The following KCNU1 variants were observed in gnomAD, a reference collection of about 807,000 sequenced individuals.
KCNU1 encodes potassium calcium-activated channel subfamily U member 1, also known as potassium channel subfamily U member 1.
Under a neutral mutation model 126.8 loss-of-function variants are expected in KCNU1, and 93 were observed. That is an observed-to-expected ratio of 0.73 (90% CI 0.62 to 0.87). KCNU1 has a LOEUF of 0.87. KCNU1 is among the 40% of genes least tolerant of loss of function. The pLI, the probability that KCNU1 is intolerant of heterozygous loss-of-function variation, is 0.00. For missense variants in KCNU1, 1,330 were observed against 1,367.1 expected (o/e 0.97, Z 0.43); for synonymous variants, 523 against 494.2 (o/e 1.06, Z -0.77).
rs547790727 is a variant in KCNU1, at chr8:36,840,186, G to A, written c.1519-277G>A. Among the ~76,000 whole-genome samples the A allele has an allele frequency of 5.1e-4, 78 of 152,318 alleles. 1 individual carries two copies. The highest frequency in any genetic ancestry group is 6.8e-3 in the Middle Eastern group (2 of 294). ...GCTGAAATCAGGACTGGGTGATGGAGAATTCTCACTGCCAGCAAGGAAACT... is the reference window on the plus strand; with the variant it reads ...GCTGAAATCAGGACTGGGTGATGGAAAATTCTCACTGCCAGCAAGGAAACT... On this transcript the variant is annotated intron_variant, in intron 14 of 26. Transcript: ENST00000399881.
intron 24 of KCNU1, chr8:36,928,796 T>C (rs1435750075): frequency 2.0e-6 from 1 of 507,804 alleles, no homozygotes; most frequent in Non-Finnish European, 3.5e-6. Context: ...AAGGAGCACA[T>C]CATCTTCAGG....
intron 22 of KCNU1, among the ~76,000 whole-genome samples, chr8:36,911,407 G>T (rs957149075): frequency 6.6e-6 from 1 of 151,996 alleles, no homozygotes; most frequent in Admixed American, 6.6e-5. Flanking sequence ...TATCATTTTT[G>T]TTGTTATGAT....
intron 18 of KCNU1, among the ~76,000 whole-genome samples, chr8:36,846,442 T>C (rs575970367): frequency 1.3e-5 from 2 of 152,282 alleles, no homozygotes; most frequent in South Asian, 4.1e-4. Flanking sequence ...AACACCCCTT[T>C]CCACTTAATG....
intron 24 of KCNU1, among the ~76,000 whole-genome samples, chr8:36,927,071 A>G (rs1215769237): frequency 1.3e-5 from 2 of 152,258 alleles, no homozygotes; most frequent in East Asian, 3.9e-4. Flanking sequence ...CGCCCCTAAT[A>G]AACACCAAGA....
intron 19 of KCNU1, among the ~76,000 whole-genome samples, chr8:36,876,164 T>C (rs1394966633): frequency 6.6e-6 from 1 of 152,064 alleles, no homozygotes. Flanking sequence ...CTAATCGATT[T>C]CCATCATGCA....
intron 19 of KCNU1, among the ~76,000 whole-genome samples, chr8:36,904,291 G>A (rs1463685678): frequency 6.6e-6 from 1 of 152,144 alleles, no homozygotes; most frequent in Non-Finnish European, 1.5e-5. Context: ...GTGCCCACTG[G>A]AGCAGCTAGG....
intron 24 of KCNU1, among the ~76,000 whole-genome samples, chr8:36,928,022 G>A (rs1680819835): frequency 1.3e-5 from 2 of 149,476 alleles, no homozygotes; most frequent in South Asian, 4.3e-4. Flanking sequence ...GAGGGAAGGA[G>A]GGAGGGACGG....
chr8:36,866,809 G>A (rs776216155), intron 19 of KCNU1, among the ~76,000 whole-genome samples: 6 of 152,070 alleles, frequency 3.9e-5, no homozygotes, highest in Non-Finnish European at 5.9e-5. Flanking sequence ...TGGCAGCACC[G>A]TAAAGTGACT....
In KCNU1 at chr8:36,805,084, G is replaced by A. The variant is rs183025137; in HGVS notation, c.378-111G>A. The A allele has an allele frequency of 1.4e-5, 9 of 664,362 alleles. No individual in the cohort carries two copies. The East Asian group carries it at 1.4e-4, about 10-fold the overall frequency. 41.2% of individuals were successfully genotyped at this position (664,362 alleles called of 1,614,324 possible). ...CTTGAGATCTTAACTTAAGTGTCTG[G>A]ATTCATGGTGAATAAAGAAAAATTT... On this transcript the variant is annotated intron_variant, in intron 3 of 26. Transcript: ENST00000399881.
chr8:36,918,981 C>T, intron 23 of KCNU1, 84 bp downstream of exon 23: 1 of 888,050 alleles, frequency 1.1e-6, no homozygotes, highest in Non-Finnish European at 1.9e-6. Context: ...TTAGAATGCA[C>T]AATCACAGGA....
chr8:36,833,475 C>A, intron 10 of KCNU1, 79 bp from the exon 11 acceptor site: 2 of 782,664 alleles, frequency 2.6e-6, no homozygotes, highest in South Asian at 1.5e-5. Context: ...CTAAATGCAC[C>A]AAATTAGTTA....
At chr8:36,797,059 G>A (rs891133355) in intron 2 of KCNU1, among the ~76,000 whole-genome samples, 2 of 152,152 alleles carry the variant, frequency 1.3e-5, no homozygotes, top group Non-Finnish European at 2.9e-5. Flanking sequence ...CCTCACCAGA[G>A]AGGCAGAACT....
intron 22 of KCNU1, among the ~76,000 whole-genome samples, chr8:36,912,442 G>A (rs1439447540): frequency 1.3e-5 from 2 of 152,132 alleles, no homozygotes; most frequent in Admixed American, 6.5e-5. Context: ...CTAATAACAA[G>A]GCACTTCATG....
intron 19 of KCNU1, among the ~76,000 whole-genome samples, chr8:36,876,033 G>A (rs563306047): frequency 4.6e-5 from 7 of 152,226 alleles, no homozygotes; most frequent in African/African-American, 1.4e-4. Flanking sequence ...ATAGCCCAGA[G>A]GCAAAAGACA....
chr8:36,864,423 GA>G lies in KCNU1; in HGVS notation c.1917del (p.Lys639AsnfsTer3). On this transcript the variant is annotated frameshift_variant, in exon 19 of 27. Coordinates refer to ENST00000399881, the MANE Select transcript of KCNU1 (RefSeq NM_001031836.3). LOFTEE classifies it high-confidence loss of function. ...HITVPSVKRM[K>X]KCLKGISSRI... is the part of the protein sequence containing the mutation. Reference sequence around the variant, plus strand: ...TTGCAGTGCCATCGGTAAAGAGAATGAAAAAATGTCTGAAGGGAATCTCCTC... The same window carrying G: ...TTGCAGTGCCATCGGTAAAGAGAATGAAAAATGTCTGAAGGGAATCTCCTC... 2.5e-6 allele frequency: 4 copies of G among 1,608,406 alleles called. No individual in the cohort carries two copies. Among genetic ancestry groups the G allele is most frequent in the African/African-American group, 1.3e-5 (1 of 74,878 alleles).
intron 24 of KCNU1, among the ~76,000 whole-genome samples, chr8:36,930,152 A>G (rs944148142): frequency 2.6e-5 from 4 of 152,114 alleles, no homozygotes; most frequent in African/African-American, 9.7e-5. Flanking sequence ...AATTAAAAAT[A>G]TATATTCAAT....
At chr8:36,855,686 A>G (rs1805503830) in intron 18 of KCNU1, among the ~76,000 whole-genome samples, 1 of 152,152 alleles carries the variant, frequency 6.6e-6, no homozygotes, top group Non-Finnish European at 1.5e-5. Flanking sequence ...AAAAAAAATA[A>G]TTCTCACAAG....
chr8:36,922,999 C>T (rs535826578), intron 24 of KCNU1: 7 of 464,972 alleles, frequency 1.5e-5, no homozygotes, highest in Non-Finnish European at 2.6e-5. Context: ...TGGAAATTGG[C>T]CATAAAGGGA....
intron 10 of KCNU1, among the ~76,000 whole-genome samples, chr8:36,818,119 A>G (rs189163011): frequency 6.6e-6 from 1 of 152,332 alleles, no homozygotes; most frequent in East Asian, 1.9e-4. Context: ...TCAAATCAAT[A>G]CAGAAATGAT....
Sources: gnomAD v4.1 joint callset for allele counts (sites outside exome capture counted in the v4.1 genomes callset) on GRCh38, gnomAD v4.1.1 for gene constraint, MANE v1.5 for transcripts, NCBI Gene and HGNC (gene_info 2026-07-23, HGNC 2026-07-21) for gene names.